The following PEX26 variants were observed in gnomAD, a reference collection of about 807,000 sequenced individuals.
The protein encoded by PEX26 is peroxisomal biogenesis factor 26.
PEX26 carries 18 observed loss-of-function variants against 31.4 expected under a neutral mutation model. The observed-to-expected ratio is 0.57, with a 90% CI of 0.40 to 0.85. PEX26 has a LOEUF of 0.85. Ranked by LOEUF, PEX26 falls within the 40% of genes least tolerant of loss-of-function variation. PEX26 has a pLI of 0.00. For missense variants in PEX26, 377 were observed against 383.9 expected, an observed-to-expected ratio of 0.98 and a Z score of 0.15; for synonymous variants, 176 against 166.9, an observed-to-expected ratio of 1.05 and a Z score of -0.42.
rs570754352 is a variant in PEX26, at chr22:18,092,824, G to C, written c.*4749G>C. On this transcript the variant is annotated 3_prime_UTR_variant, in exon 5 of 5. Coordinates refer to ENST00000399744, the MANE Select transcript of PEX26 (RefSeq NM_001127649.3). The stretch of plus-strand genomic sequence containing the variant: ...TAGTGGGACCCCATTTCTTTTTTTT[G>C]GGGGGGGGGTGGGTTATAAAAGCCC... The C allele has an allele frequency of 4.5e-4, 27 of 59,354 alleles. No individual in the cohort carries two copies. Among genetic ancestry groups the C allele is most frequent in the African/African-American group, 1.6e-3 (26 of 16,212 alleles). 3.7% of individuals were successfully genotyped at this position (59,354 alleles called of 1,614,324 possible).
chr22:18,087,886 G>GGTAGTGGA, intron 4 of PEX26, 86 bp from the exon 5 acceptor site: 1 of 863,312 alleles, frequency 1.2e-6, no homozygotes, highest in Non-Finnish European at 2.0e-6. Context: ...ATGTGTAATT[G>GGTAGTGGA]GTAGTGGAGT....
chr22:18,078,855 G>A (rs529812823), intron 1 of PEX26: 16 of 679,966 alleles, frequency 2.4e-5, no homozygotes, highest in African/African-American at 1.8e-4. Flanking sequence ...ACAATGACAT[G>A]ATGGGAAGGC....
intron 1 of PEX26, 60 bp downstream of exon 1, chr22:18,078,666 T>C (rs1218582382): frequency 1.4e-6 from 2 of 1,421,598 alleles, no homozygotes; most frequent in South Asian, 1.2e-5. Flanking sequence ...GGGCTCAAGG[T>C]CTCAGGAGTT....
At position 18,102,413 on chromosome 22, in the gene PEX26, T is replaced by C. The variant is rs1927476831; in HGVS notation, c.*14338T>C. ...CTGCAGCCTCTCCAAGCCAGTGGGCTGGTGACATCCAGGATGATCCTCTTC... is the reference window on the plus strand; with the variant it reads ...CTGCAGCCTCTCCAAGCCAGTGGGCCGGTGACATCCAGGATGATCCTCTTC... On this transcript the variant is annotated 3_prime_UTR_variant, in exon 5 of 5. Coordinates refer to ENST00000399744, the MANE Select transcript of PEX26 (RefSeq NM_001127649.3). The C allele has an allele frequency of 6.5e-6, 1 of 154,474 alleles. No individual in the cohort carries two copies. The highest frequency in any genetic ancestry group is 1.5e-5 in the Non-Finnish European group (1 of 68,202). The allele number at this position is 154,474 out of a possible 1,614,324, so 9.6% of individuals were successfully genotyped here.
At position 18,093,801 on chromosome 22, in the gene PEX26, C is replaced by T. The variant is rs1927206446; in HGVS notation, c.*5726C>T. The T allele has an allele frequency of 6.6e-6, 1 of 152,198 alleles. No individual in the cohort carries two copies. Among genetic ancestry groups the T allele is most frequent in the African/African-American group, 2.4e-5 (1 of 41,446 alleles). 9.4% of individuals were successfully genotyped at this position (152,198 alleles called of 1,614,324 possible). A position where few individuals can be genotyped will look rare whatever the true frequency, so the allele number is the denominator to read the frequency against. ...CCCAACCCTCTTGGCAGCCCATGCA[C>T]TTGAGAACCTGTAGAAAATGGCAGT... On this transcript the variant is annotated 3_prime_UTR_variant, in exon 5 of 5. Transcript: ENST00000399744.
At position 18,098,866 on chromosome 22, in the gene PEX26, A is replaced by G. The variant is rs1927373742; in HGVS notation, c.*10791A>G. On this transcript the variant is annotated 3_prime_UTR_variant, in exon 5 of 5. Coordinates refer to ENST00000399744, the MANE Select transcript of PEX26 (RefSeq NM_001127649.3). ...AAACTATATAAAATAGATGCATGAA[A>G]TGGCTACATAGATATGGATGTTTGC... The G allele has an allele frequency of 6.6e-6, 1 of 152,112 alleles. No homozygotes were observed. The highest frequency in any genetic ancestry group is 1.5e-5 in the Non-Finnish European group (1 of 68,024). 9.4% of individuals were successfully genotyped at this position (152,112 alleles called of 1,614,324 possible).
intron 2 of PEX26, chr22:18,081,679 A>C (rs1926616714): frequency 5.9e-6 from 1 of 169,064 alleles, no homozygotes; most frequent in South Asian, 1.1e-4. Flanking sequence ...GCAGGCAGCA[A>C]ATACTCTCTC....
At position 18,101,873 on chromosome 22, in the gene PEX26, G is replaced by A. The variant is rs770617558; in HGVS notation, c.*13798G>A. The stretch of plus-strand genomic sequence containing the variant: ...ATTCGACAACGCCTGGCATGATTGA[G>A]GGTGACACATCACGGCAGATGATGG... On this transcript the variant is annotated 3_prime_UTR_variant, in exon 5 of 5. Transcript: ENST00000399744. 1 of 161,640 alleles carries A rather than the reference G, an allele frequency of 6.2e-6. No homozygotes were observed. The highest frequency in any genetic ancestry group is 1.7e-4 in the East Asian group (1 of 5,838). 10.0% of individuals were successfully genotyped at this position (161,640 alleles called of 1,614,324 possible). A position where few individuals can be genotyped will look rare whatever the true frequency, so the allele number is the denominator to read the frequency against.
intron 2 of PEX26, among the ~76,000 whole-genome samples, chr22:18,082,083 TGTTAA>T (rs897607325): frequency 2.8e-5 from 4 of 144,366 alleles, no homozygotes; most frequent in Non-Finnish European, 4.5e-5. Flanking sequence ...TTTTTTCTGC[TGTTAA>T]GTTCCTGATA....
At chr22:18,080,511 A>T (rs1408676259) in intron 2 of PEX26, among the ~76,000 whole-genome samples, 3 of 151,876 alleles carry the variant, frequency 2.0e-5, no homozygotes, top group African/African-American at 7.3e-5. Flanking sequence ...TTTGTGTTTT[A>T]AGTAGAGACA....
chr22:18,105,179 A>T lies in PEX26; in HGVS notation c.*17104A>T, dbSNP rs972320592. 1 of 152,110 alleles carries T rather than the reference A, an allele frequency of 6.6e-6. No individual in the cohort carries two copies. Among genetic ancestry groups the T allele is most frequent in the Non-Finnish European group, 1.5e-5 (1 of 68,042 alleles). 9.4% of individuals were successfully genotyped at this position (152,110 alleles called of 1,614,324 possible). On this transcript the variant is annotated 3_prime_UTR_variant, in exon 5 of 5. Coordinates refer to ENST00000399744, the MANE Select transcript of PEX26 (RefSeq NM_001127649.3). Reference sequence around the variant, plus strand: ...CCACCATCCTGGAGCAGCATCCTGGATATTGGAACTCTGAAGTCTAACCTA... The same window carrying T: ...CCACCATCCTGGAGCAGCATCCTGGTTATTGGAACTCTGAAGTCTAACCTA...
At position 18,078,412 on chromosome 22, in the gene PEX26, C is replaced by T. The variant is rs765484850; in HGVS notation, c.36C>T (p.Leu12=). 13 of 1,594,706 alleles carry T rather than the reference C, an allele frequency of 8.2e-6. No homozygotes were observed. The highest frequency in any genetic ancestry group is 1.7e-4 in the Middle Eastern group (1 of 5,902). The stretch of plus-strand genomic sequence containing the variant: ...ATTCTTCGACCTCTGCAGCCCCCCT[C>T]AGGGGGCTCGGGGGACCCCTGCGCA... ...KSDSSTSAAP[L]RGLGGPLRSS... is the part of the protein sequence containing the mutation. The change falls in exon 1 of 5, where the codon CTC becomes CTT. Residue 12 remains leucine, a synonymous_variant. Transcript: ENST00000399744.
chr22:18,083,554 C>T lies in PEX26; in HGVS notation c.489C>T (p.His163=), dbSNP rs549426563. 2.1e-5 allele frequency: 34 copies of T among 1,613,960 alleles called. No individual in the cohort carries two copies. The highest frequency in any genetic ancestry group is 4.5e-5 in the East Asian group (2 of 44,904). Residue 163 remains histidine (H), a synonymous_variant, in exon 3 of 5, where the codon CAC becomes CAT. Coordinates refer to ENST00000399744, the MANE Select transcript of PEX26 (RefSeq NM_001127649.3). The part of the protein sequence containing the change: ...LPEYGALAEF[H]VQRVLLPLGC... ...AATATGGAGCCTTGGCAGAATTTCACGTGCAGCGGGTGCTGCTGCCTCTGG... is the reference window on the plus strand; with the variant it reads ...AATATGGAGCCTTGGCAGAATTTCATGTGCAGCGGGTGCTGCTGCCTCTGG...
In PEX26 at chr22:18,099,877, A is replaced by C. The variant is rs762626119; in HGVS notation, c.*11802A>C. ...CTCTGCCAAGGATGCATGTCACTGA[A>C]TTTAAGAGCCACCCTAATCCAGGAT... On this transcript the variant is annotated 3_prime_UTR_variant, in exon 5 of 5. Transcript: ENST00000399744. 17 of 152,146 alleles carry C rather than the reference A, an allele frequency of 1.1e-4. No homozygotes were observed. The highest frequency in any genetic ancestry group is 1.9e-4 in the Non-Finnish European group (13 of 68,026). The allele number at this position is 152,146 out of a possible 1,614,324, so 9.4% of individuals were successfully genotyped here. A position where few individuals can be genotyped will look rare whatever the true frequency, so the allele number is the denominator to read the frequency against.
Position 18,090,607 on chromosome 22 carries a change from G to C in PEX26, c.*2532G>C, listed in dbSNP as rs1927053658. The C allele has an allele frequency of 6.6e-6, 1 of 152,362 alleles. No homozygotes were observed. The highest frequency in any genetic ancestry group is 2.4e-5 in the African/African-American group (1 of 41,450). 9.4% of individuals were successfully genotyped at this position (152,362 alleles called of 1,614,324 possible). A position where few individuals can be genotyped will look rare whatever the true frequency, so the allele number is the denominator to read the frequency against. On this transcript the variant is annotated 3_prime_UTR_variant, in exon 5 of 5. Transcript: ENST00000399744. ...TTCTTTGCTGCCCCTTCGAAGCTGG[G>C]GAGTGCTTGTTGCAGATGCATCCAA...
Position 18,088,395 on chromosome 22 carries a change from A to G in PEX26, c.*320A>G, listed in dbSNP as rs930339036. ...ACATTCCATCTTCTTGGTGAAGGCA[A>G]GGGGTTGGTTCTTCAGGTCAGGATG... is the stretch of plus-strand genomic sequence containing the variant. On this transcript the variant is annotated 3_prime_UTR_variant, in exon 5 of 5. Coordinates refer to ENST00000399744, the MANE Select transcript of PEX26 (RefSeq NM_001127649.3). This position sits in a 1 kb window ranked among gnomAD's most constrained non-coding sequence, Gnocchi z 4.1. 6.2e-5 allele frequency: 28 copies of G among 454,120 alleles called. No individual in the cohort carries two copies. Among genetic ancestry groups the G allele is most frequent in the African/African-American group, 4.7e-4 (24 of 50,570 alleles). The allele number at this position is 454,120 out of a possible 1,614,324, so 28.1% of individuals were successfully genotyped here. A position where few individuals can be genotyped will look rare whatever the true frequency, so the allele number is the denominator to read the frequency against.
chr22:18,091,334 GAAA>G lies in PEX26; in HGVS notation c.*3265_*3267del. 1 of 151,986 alleles carries G rather than the reference GAAA, an allele frequency of 6.6e-6. No homozygotes were observed. The highest frequency in any genetic ancestry group is 2.4e-5 in the African/African-American group (1 of 41,480). 9.4% of individuals were successfully genotyped at this position (151,986 alleles called of 1,614,324 possible). On this transcript the variant is annotated 3_prime_UTR_variant, in exon 5 of 5. Transcript: ENST00000399744. ...ACACACACTGTGCCACGTTTAAAAA[GAAA>G]AAAAACAATTCTCGGCTGGGCGCGG...
Position 18,088,056 on chromosome 22 carries a change from A to T in PEX26, c.899A>T (p.Gln300Leu). ...IRKAAFSRLY[Q>L]LRIRD Reference sequence around the variant, plus strand: ...AAGGCTGCATTTTCTCGCCTCTACCAGCTCCGCATCCGTGACTGAGGGTCC... The same window carrying T: ...AAGGCTGCATTTTCTCGCCTCTACCTGCTCCGCATCCGTGACTGAGGGTCC... The change falls in exon 5 of 5, where the codon CAG (glutamine) becomes CTG (leucine). Residue 300 changes from glutamine to leucine, a missense_variant. Gln to Leu is a moderately radical substitution (Grantham distance 113). Transcript: ENST00000399744. The surrounding 1 kb of genome is among the most constrained non-coding windows in gnomAD (Gnocchi z 4.1). 1 of 1,611,778 alleles carries T rather than the reference A, an allele frequency of 6.2e-7. No individual in the cohort carries two copies. The highest frequency in any genetic ancestry group is 8.5e-7 in the Non-Finnish European group (1 of 1,178,554).
At chr22:18,083,301 C>CA (rs1926694421) in intron 2 of PEX26, 136 bp from the exon 3 acceptor site, 1 of 883,576 alleles carries the variant, frequency 1.1e-6, no homozygotes, top group Non-Finnish European at 1.9e-6. Flanking sequence ...CCATGAGCAT[C>CA]ATCATTTCAT....
Sources: allele counts gnomAD v4.1 joint callset (sites outside exome capture counted in the v4.1 genomes callset), GRCh38; gene constraint gnomAD v4.1.1; non-coding constraint Gnocchi (gnomAD v3.1); transcripts MANE v1.5; gene names NCBI Gene and HGNC (gene_info 2026-07-23, HGNC 2026-07-21).